SV2C: variants seen among roughly 807,000 people sequenced by gnomAD.
SV2C encodes the protein solute carrier family 22 member B3.
A neutral mutation model predicts 79.7 loss-of-function variants in SV2C; 49 were observed. That is an observed-to-expected ratio of 0.61 (90% confidence interval 0.49 to 0.78). SV2C has a LOEUF of 0.78. Ranked by LOEUF, SV2C falls within the 30% of genes least tolerant of loss-of-function variation. The pLI is 0.00. For synonymous variants in SV2C, 334 were observed against 333.2 expected (o/e 1.00, Z -0.03); for missense variants, 833 against 912.9 (o/e 0.91, Z 1.13).
At chr5:75,855,095 A>C in the SV2C span, among the ~76,000 whole-genome samples, 1 of 152,102 alleles carries the variant, frequency 6.6e-6, no homozygotes, top group African/African-American at 2.4e-5. Flanking sequence ...AACATGGACT[A>C]TTCTATATCT....
the SV2C span, among the ~76,000 whole-genome samples, chr5:75,856,300 G>A: frequency 1.3e-5 from 2 of 152,076 alleles, no homozygotes; most frequent in African/African-American, 4.8e-5. Flanking sequence ...TTTCTTTTCA[G>A]TATATACCCA....
chr5:76,002,877 A>ATTTC, the SV2C span, among the ~76,000 whole-genome samples: 1 of 83,908 alleles, frequency 1.2e-5, no homozygotes, highest in Admixed American at 1.1e-4. Flanking sequence ...GTTTTTTTTA[A>ATTTC]AATATGTAAA....
chr5:76,243,024 A>G (rs1273421133), intron 4 of SV2C, among the ~76,000 whole-genome samples: 33 of 148,276 alleles, frequency 2.2e-4, no homozygotes, highest in African/African-American at 7.4e-4. Context: ...AAAAAAAAAA[A>G]AAAAAAAAAA....
chr5:76,094,753 T>C (rs1747493716), intron 1 of SV2C, among the ~76,000 whole-genome samples: 1 of 152,174 alleles, frequency 6.6e-6, no homozygotes, highest in Non-Finnish European at 1.5e-5. Context: ...TGATGCAGTG[T>C]CTGTTTATAT....
the SV2C span, among the ~76,000 whole-genome samples, chr5:75,880,233 T>C: frequency 6.6e-6 from 1 of 152,164 alleles, no homozygotes; most frequent in Non-Finnish European, 1.5e-5. Flanking sequence ...GACTGCCTTT[T>C]AGACATGCAA....
At chr5:76,342,852 TG>T (rs1292297365) in intron 12 of SV2C, among the ~76,000 whole-genome samples, 1 of 152,156 alleles carries the variant, frequency 6.6e-6, no homozygotes, top group Non-Finnish European at 1.5e-5. Flanking sequence ...CATGGTATGT[TG>T]GTATACATAG....
At chr5:75,971,847 A>T in the SV2C span, among the ~76,000 whole-genome samples, 1 of 152,066 alleles carries the variant, frequency 6.6e-6, no homozygotes, top group Non-Finnish European at 1.5e-5. Context: ...TATGGAACCA[A>T]AAAAGAGCCC....
At chr5:76,057,089 G>A in the SV2C span, among the ~76,000 whole-genome samples, 13 of 152,124 alleles carry the variant, frequency 8.5e-5, no homozygotes, top group Non-Finnish European at 1.3e-4. Flanking sequence ...TGATATTAGG[G>A]TATTGATTTG....
the SV2C span, among the ~76,000 whole-genome samples, chr5:75,895,747 G>T: frequency 2.0e-5 from 3 of 152,116 alleles, no homozygotes; most frequent in Admixed American, 1.3e-4. Flanking sequence ...TGTCAAGGGT[G>T]ATGTGAGAGT....
intron 2 of SV2C, among the ~76,000 whole-genome samples, chr5:76,169,777 T>A (rs1027608940): frequency 6.6e-6 from 1 of 152,146 alleles, no homozygotes; most frequent in Non-Finnish European, 1.5e-5. Context: ...AAGGCAGCCC[T>A]CGAGGAATTA....
At chr5:76,279,098 C>T (rs988587107) in intron 4 of SV2C, among the ~76,000 whole-genome samples, 1 of 152,092 alleles carries the variant, frequency 6.6e-6, no homozygotes, top group Non-Finnish European at 1.5e-5. Context: ...GTTTTTGACA[C>T]GTGTATCTGG....
At chr5:75,921,501 C>A in the SV2C span, 48 of 802,546 alleles carry the variant, frequency 6.0e-5, no homozygotes, top group Non-Finnish European at 9.7e-5. Flanking sequence ...AGGGTTCTTG[C>A]AATGGCCAGG....
At chr5:75,879,013 T>A in the SV2C span, among the ~76,000 whole-genome samples, 20 of 152,214 alleles carry the variant, frequency 1.3e-4, no homozygotes, top group African/African-American at 4.8e-4. Context: ...GAAAGAGTGA[T>A]GGTGGATGTG....
At chr5:75,957,173 C>A in the SV2C span, among the ~76,000 whole-genome samples, 1 of 151,880 alleles carries the variant, frequency 6.6e-6, no homozygotes, top group Non-Finnish European at 1.5e-5. Flanking sequence ...CCTAGAAGCT[C>A]CTAAAATTTT....
chr5:76,083,271 A>T (rs1747052942), upstream of SV2C: 1 of 152,384 alleles, frequency 6.6e-6, no homozygotes, highest in African/African-American at 2.4e-5. Flanking sequence ...GCCGCCCGGC[A>T]CTGCAGCACC....
At chr5:76,338,320 A>G (rs1749366879), downstream of SV2C, among the ~76,000 whole-genome samples, 2 of 152,238 alleles carry the variant, frequency 1.3e-5, no homozygotes, top group Admixed American at 6.5e-5. Flanking sequence ...GAGGCTGAAC[A>G]GACAGCACCT....
chr5:76,077,208 C>T, the SV2C span, among the ~76,000 whole-genome samples: 2 of 152,006 alleles, frequency 1.3e-5, no homozygotes, highest in Non-Finnish European at 1.5e-5. Context: ...TCTGATAAGC[C>T]TCTCGATCTA....
intron 12 of SV2C, among the ~76,000 whole-genome samples, chr5:76,342,737 G>A (rs1042191194): frequency 2.6e-5 from 4 of 152,192 alleles, no homozygotes; most frequent in Non-Finnish European, 2.9e-5. Context: ...TCTGTAAAAC[G>A]AGGATACTTA....
chr5:76,213,689 G>T (rs1479077184), intron 4 of SV2C, among the ~76,000 whole-genome samples: 1 of 152,116 alleles, frequency 6.6e-6, no homozygotes, highest in African/African-American at 2.4e-5. Flanking sequence ...ATTGTGAAAT[G>T]ATTACCACAA....
Sources: allele counts gnomAD v4.1 joint callset (sites outside exome capture counted in the v4.1 genomes callset), GRCh38; gene constraint gnomAD v4.1.1; transcripts MANE v1.5; gene names NCBI Gene and HGNC (gene_info 2026-07-23, HGNC 2026-07-21).